The following SYN3 variants were observed in gnomAD, a reference collection of about 807,000 sequenced individuals.
The protein encoded by SYN3 is synapsin III.
Under a neutral mutation model 65.8 loss-of-function variants are expected in SYN3, and 35 were observed. That is an observed-to-expected ratio of 0.53 (90% CI 0.41 to 0.70). SYN3 has a LOEUF of 0.70. SYN3 is among the 30% of genes least tolerant of loss of function. The pLI is 0.00. For missense variants in SYN3, 680 were observed against 749.0 expected, an observed-to-expected ratio of 0.91 and a Z score of 1.08; for synonymous variants, 270 against 292.9, an observed-to-expected ratio of 0.92 and a Z score of 0.80.
Position 33,047,350 on chromosome 22 carries a change from C to G in SYN3, c.-163+10942G>C, listed in dbSNP as rs936159152. ...TGAATGAATGAGCACACCCAAGAGA[C>G]GAACACTCAATAATGAAACTCCCAA... On this transcript the variant is annotated intron_variant, in intron 1 of 13. Coordinates refer to ENST00000358763, the MANE Select transcript of SYN3 (RefSeq NM_003490.4). 6.6e-5 allele frequency among the ~76,000 whole-genome samples: 10 copies of G among 152,262 alleles called. No homozygotes were observed. The East Asian group carries it at 1.9e-3, about 29-fold the overall frequency.
In SYN3 at chr22:32,642,924, G is replaced by A. The variant is rs140344999; in HGVS notation, c.712-46188C>T. On this transcript the variant is annotated intron_variant, in intron 6 of 13. Coordinates refer to ENST00000358763, the MANE Select transcript of SYN3 (RefSeq NM_003490.4). ...GAGGATGCATCTCAATATATGATGA[G>A]TTATTTGTTTTTTAAATCTACCTAA... Among the ~76,000 whole-genome samples the A allele has an allele frequency of 1.4e-4, 22 of 152,198 alleles. 1 individual carries two copies. In the East Asian group the frequency reaches 3.9e-3, roughly 27 times the overall value.
intron 6 of SYN3, among the ~76,000 whole-genome samples, chr22:32,828,726 T>C (rs1211715168): frequency 6.6e-6 from 1 of 152,206 alleles, no homozygotes; most frequent in Non-Finnish European, 1.5e-5. Flanking sequence ...TATAGACTTC[T>C]TGGCCGGTTC....
intron 3 of SYN3, among the ~76,000 whole-genome samples, chr22:32,936,648 G>T (rs2050784610): frequency 6.6e-6 from 1 of 152,214 alleles, no homozygotes; most frequent in African/African-American, 2.4e-5. Context: ...GAGCTGGGAA[G>T]AACCCATGTG....
At chr22:32,642,146 C>T (rs1231445139) in intron 6 of SYN3, among the ~76,000 whole-genome samples, 1 of 151,748 alleles carries the variant, frequency 6.6e-6, no homozygotes, top group East Asian at 2.0e-4. Flanking sequence ...AAAAATTAGC[C>T]AGGCGTGGTG....
intron 2 of SYN3, among the ~76,000 whole-genome samples, chr22:32,985,678 C>T (rs1201015334): frequency 3.3e-5 from 5 of 152,012 alleles, no homozygotes; most frequent in African/African-American, 4.8e-5. Flanking sequence ...AGTCCAGAGC[C>T]CTGGCGTCCT....
intron 4 of SYN3, among the ~76,000 whole-genome samples, chr22:32,918,420 G>A (rs988504690): frequency 1.3e-5 from 2 of 152,150 alleles, no homozygotes; most frequent in Admixed American, 1.3e-4. Flanking sequence ...TATGTGATAT[G>A]GGAATATAGT....
chr22:32,642,249 A>C lies in SYN3; in HGVS notation c.712-45513T>G, dbSNP rs539543161. On this transcript the variant is annotated intron_variant, in intron 6 of 13. Transcript: ENST00000358763. ...GGTTGCAGTGAGCCGAGATCATGCC[A>C]CTGCACTCCAGCCTTGGGTGACAGA... is the stretch of plus-strand genomic sequence containing the variant. 1.5e-3 allele frequency among the ~76,000 whole-genome samples: 225 copies of C among 151,690 alleles called. 2 individuals are homozygous for C. In the South Asian group the frequency reaches 0.023, roughly 15 times the overall value.
At chr22:32,853,173 A>T (rs950695478) in intron 6 of SYN3, among the ~76,000 whole-genome samples, 1 of 152,100 alleles carries the variant, frequency 6.6e-6, no homozygotes, top group Admixed American at 6.6e-5. Flanking sequence ...CCCACAGGGA[A>T]CCATTCTTCT....
chr22:32,673,096 A>AT, intron 6 of SYN3, among the ~76,000 whole-genome samples: 1 of 152,234 alleles, frequency 6.6e-6, no homozygotes, highest in East Asian at 1.9e-4. Context: ...ACACAAAACA[A>AT]TAACTCTTCC....
intron 6 of SYN3, among the ~76,000 whole-genome samples, chr22:32,698,536 C>T (rs976943269): frequency 2.0e-4 from 31 of 151,958 alleles, no homozygotes; most frequent in Non-Finnish European, 7.4e-5. Flanking sequence ...GTTTTTTTTG[C>T]TGTTGTTGTT....
intron 6 of SYN3, among the ~76,000 whole-genome samples, chr22:32,767,730 A>T (rs2045665266): frequency 6.6e-6 from 1 of 152,132 alleles, no homozygotes; most frequent in Non-Finnish European, 1.5e-5. Flanking sequence ...TTCTCTGAGA[A>T]CATTTAGGAT....
chr22:32,776,339 G>A (rs565128372), intron 6 of SYN3, among the ~76,000 whole-genome samples: 1 of 152,240 alleles, frequency 6.6e-6, no homozygotes, highest in South Asian at 2.1e-4. Context: ...GGCAGCCCAA[G>A]GAAAGAAACA....
intron 4 of SYN3, among the ~76,000 whole-genome samples, chr22:32,870,563 T>C (rs1229450139): frequency 6.6e-6 from 1 of 152,216 alleles, no homozygotes; most frequent in Non-Finnish European, 1.5e-5. Flanking sequence ...GTGGGACTAA[T>C]GGATTAAAGG....
chr22:32,981,825 A>T (rs1298635141), intron 2 of SYN3, among the ~76,000 whole-genome samples: 1 of 152,066 alleles, frequency 6.6e-6, no homozygotes, highest in Admixed American at 6.6e-5. Context: ...TTTTATCCAT[A>T]TTTTTCTTAA....
chr22:32,987,647 GC>G (rs1175865656), intron 2 of SYN3, among the ~76,000 whole-genome samples: 3 of 152,154 alleles, frequency 2.0e-5, no homozygotes, highest in Non-Finnish European at 4.4e-5. Flanking sequence ...ACATAACAGG[GC>G]CCCGAGCCAC....
intron 2 of SYN3, among the ~76,000 whole-genome samples, chr22:32,989,390 T>A (rs1390845133): frequency 2.0e-5 from 3 of 152,180 alleles, no homozygotes; most frequent in African/African-American, 7.2e-5. Context: ...CCTAAGAACA[T>A]GACAGGTCAT....
At chr22:32,678,689 T>C (rs2147101168) in intron 6 of SYN3, among the ~76,000 whole-genome samples, 1 of 152,198 alleles carries the variant, frequency 6.6e-6, no homozygotes, top group South Asian at 2.1e-4. Context: ...TCCTCTTTCT[T>C]CTTTCATCAG....
chr22:32,576,484 T>C (rs7285258), intron 7 of SYN3, among the ~76,000 whole-genome samples: 5,714 of 152,276 alleles, frequency 0.038, 159 homozygotes, highest in Middle Eastern at 0.092. Flanking sequence ...ATGCGGTCAA[T>C]AAATACACGG....
At chr22:33,040,141 T>A (rs2053936664) in intron 1 of SYN3, among the ~76,000 whole-genome samples, 1 of 113,550 alleles carries the variant, frequency 8.8e-6, no homozygotes, top group Non-Finnish European at 2.3e-5. Context: ...TTTTTTGTAT[T>A]TTTAATATAT....
Sources: gnomAD v4.1 joint callset for allele counts (sites outside exome capture counted in the v4.1 genomes callset) on GRCh38, gnomAD v4.1.1 for gene constraint, MANE v1.5 for transcripts, NCBI Gene and HGNC (gene_info 2026-07-23, HGNC 2026-07-21) for gene names.